Variants in GORASP2 observed in about 807,000 individuals in gnomAD.
GORASP2 encodes golgi reassembly stacking protein 2, also known as Golgi reassembly-stacking protein 2.
GORASP2 carries 22 observed loss-of-function variants against 45.7 expected under a neutral mutation model. The observed-to-expected ratio is 0.48, with a 90% CI of 0.34 to 0.69. GORASP2 has a LOEUF of 0.69. Ranked by LOEUF, GORASP2 falls within the 30% of genes least tolerant of loss-of-function variation. GORASP2 has a pLI of 0.01. For synonymous variants in GORASP2, 221 were observed against 215.6 expected, an observed-to-expected ratio of 1.02 and a Z score of -0.22; for missense variants, 491 against 562.7, an observed-to-expected ratio of 0.87 and a Z score of 1.29.
chr2:170,954,938 G>A (rs1704389301), intron 6 of GORASP2, among the ~76,000 whole-genome samples, 156 bp downstream of exon 6: 1 of 152,214 alleles, frequency 6.6e-6, no homozygotes, highest in Non-Finnish European at 1.5e-5. Flanking sequence ...AAAATACCTA[G>A]ATAGAGGTTA....
intron 7 of GORASP2, among the ~76,000 whole-genome samples, chr2:170,959,861 G>A (rs1704514021): frequency 8.3e-6 from 1 of 120,236 alleles, no homozygotes. Flanking sequence ...TTGCTCTGTC[G>A]CTCAGGCTGG....
At position 170,965,844 on chromosome 2, in the gene GORASP2, T is replaced by TC. The variant is rs1445769726; in HGVS notation, c.1078dup (p.Leu360ProfsTer67). ...CGAAACTTACCTGGCATTGCACCTC[T>TC]CCCCCTGCCATCCGAGTTCCTCCCG... On this transcript the variant is annotated frameshift_variant, in exon 10 of 10. Coordinates refer to ENST00000234160, the MANE Select transcript of GORASP2 (RefSeq NM_015530.5). LOFTEE classifies it high-confidence loss of function. The TC allele has an allele frequency of 6.2e-7, 1 of 1,613,858 alleles. No homozygotes were observed. Among genetic ancestry groups the TC allele is most frequent in the Admixed American group, 1.7e-5 (1 of 60,002 alleles).
rs562925182 is a variant in GORASP2, at chr2:170,962,032, G to A, written c.910+283G>A. 2.6e-5 allele frequency among the ~76,000 whole-genome samples: 4 copies of A among 152,272 alleles called. No homozygotes were observed. In the South Asian group the frequency reaches 6.2e-4, roughly 24 times the overall value. ...CCCTGCAGCTCTACAGTGCAGCATC[G>A]GCCAGGAATAAGGAATCTGCAGAAG... is the stretch of plus-strand genomic sequence containing the variant. On this transcript the variant is annotated intron_variant, in intron 8 of 9. Coordinates refer to ENST00000234160, the MANE Select transcript of GORASP2 (RefSeq NM_015530.5).
At chr2:170,945,112 C>T (rs1225493039) in intron 1 of GORASP2, among the ~76,000 whole-genome samples, 2 of 152,128 alleles carry the variant, frequency 1.3e-5, no homozygotes, top group Non-Finnish European at 2.9e-5. Context: ...GAGTCCTAGA[C>T]ATTTTATTTG....
chr2:170,958,674 TAAAA>T lies in GORASP2; in HGVS notation c.823+2126_823+2129del, dbSNP rs71008732. 9.5e-3 allele frequency among the ~76,000 whole-genome samples: 943 copies of T among 99,188 alleles called. 14 individuals carry two copies. The highest frequency in any genetic ancestry group is 0.027 in the African/African-American group (668 of 25,146). The allele number at this position is 99,188 out of a possible 152,430, so 65.1% of individuals were successfully genotyped here. ...TGCTCTTTTTTTTTTTTTTTTTTTT[TAAAA>T]AAAAAAAAAACAGACTCTGTTGCCC... On this transcript the variant is annotated intron_variant, in intron 7 of 9. Coordinates refer to ENST00000234160, the MANE Select transcript of GORASP2 (RefSeq NM_015530.5).
At chr2:170,958,794 T>G (rs1704487025) in intron 7 of GORASP2, among the ~76,000 whole-genome samples, 1 of 151,742 alleles carries the variant, frequency 6.6e-6, no homozygotes, top group South Asian at 2.1e-4. Context: ...CCTAACCAAG[T>G]AGCTGTGATT....
rs535541233 is a variant in GORASP2, at chr2:170,950,134, A to C, written c.349-70A>C. 5 of 740,784 alleles carry C rather than the reference A, an allele frequency of 6.7e-6. No individual in the cohort carries two copies. In the Admixed American group the frequency reaches 1.5e-4, roughly 22 times the overall value. 45.9% of individuals were successfully genotyped at this position (740,784 alleles called of 1,614,324 possible). On this transcript the variant is annotated intron_variant, in intron 3 of 9. Coordinates refer to ENST00000234160, the MANE Select transcript of GORASP2 (RefSeq NM_015530.5). Reference sequence around the variant, plus strand: ...ATTTAAAAAATCAACATAATTAAAAATTGGACTATAAACCTTGGAAGATTA... The same window carrying C: ...ATTTAAAAAATCAACATAATTAAAACTTGGACTATAAACCTTGGAAGATTA...
At position 170,965,938 on chromosome 2, in the gene GORASP2, C is replaced by T; in HGVS notation, c.1167C>T (p.Pro389=). ...SSGELLSSLP[P]TSNAPSDPAT... The stretch of plus-strand genomic sequence containing the variant: ...GAGAGCTGCTGTCTTCCCTCCCGCC[C>T]ACCAGCAACGCACCCTCCGACCCTG... The change falls in exon 10 of 10, where the codon CCC becomes CCT. Residue 389 remains proline, a synonymous_variant. Coordinates refer to ENST00000234160, the MANE Select transcript of GORASP2 (RefSeq NM_015530.5). The T allele has an allele frequency of 1.2e-6, 2 of 1,613,932 alleles. No individual in the cohort carries two copies. The highest frequency in any genetic ancestry group is 1.6e-4 in the Middle Eastern group (1 of 6,062).
intron 1 of GORASP2, among the ~76,000 whole-genome samples, chr2:170,942,070 T>C (rs1704088866): frequency 6.6e-6 from 1 of 152,190 alleles, no homozygotes; most frequent in African/African-American, 2.4e-5. Flanking sequence ...TGCATTGTGG[T>C]TTTAATTTGC....
chr2:170,942,543 G>A (rs1704100508), intron 1 of GORASP2, among the ~76,000 whole-genome samples: 1 of 152,164 alleles, frequency 6.6e-6, no homozygotes, highest in Admixed American at 6.5e-5. Flanking sequence ...CCATGTCATA[G>A]CGTGCATTGG....
chr2:170,929,803 T>G, intron 1 of GORASP2: 1 of 473,462 alleles, frequency 2.1e-6, no homozygotes. Context: ...AAGGCAGCCT[T>G]TGCGCTTTCC....
intron 1 of GORASP2, among the ~76,000 whole-genome samples, chr2:170,946,408 T>C (rs1302872102): frequency 6.6e-6 from 1 of 152,200 alleles, no homozygotes; most frequent in Non-Finnish European, 1.5e-5. Context: ...TTATTTTTTG[T>C]CATATTTCTG....
chr2:170,934,314 T>G (rs2105310104), intron 1 of GORASP2, among the ~76,000 whole-genome samples: 1 of 152,092 alleles, frequency 6.6e-6, no homozygotes, highest in South Asian at 2.1e-4. Flanking sequence ...TCGCTTTTGT[T>G]GCCCAGGCTG....
intron 8 of GORASP2, among the ~76,000 whole-genome samples, chr2:170,962,600 A>C (rs1704588959): frequency 1.3e-5 from 2 of 152,188 alleles, no homozygotes; most frequent in Admixed American, 6.5e-5. Context: ...AGTATTAGTT[A>C]TTTATTTTCA....
rs138927659 is a variant in GORASP2 at position 170,961,734 on chromosome 2, G to C, written c.895G>C (p.Ala299Pro). 9.2e-5 allele frequency: 144 copies of C among 1,569,832 alleles called. No individual in the cohort carries two copies. In the African/African-American group the frequency reaches 1.7e-3, roughly 19 times the overall value. ...CACTTCTGTGCCACCAATGAATCCAGCTACTACATTACCAGGTAACCACCA... is the reference window on the plus strand; with the variant it reads ...CACTTCTGTGCCACCAATGAATCCACCTACTACATTACCAGGTAACCACCA... ...SLTSVPPMNP[A>P]TTLPGLMPLP... Residue 299 changes from alanine to proline, a missense_variant, in exon 8 of 10, where the codon GCT (alanine) becomes CCT (proline). This residue lies in a region of GORASP2 where 297 missense variants were observed against 292.3 expected (regional missense o/e 1.02). Transcript: ENST00000234160.
chr2:170,929,694 C>T (rs1464384743), intron 1 of GORASP2: 15 of 626,976 alleles, frequency 2.4e-5, no homozygotes, highest in South Asian at 2.1e-4. Context: ...CAACCTTGCT[C>T]TTTTTCCGCA....
At position 170,947,281 on chromosome 2, in the gene GORASP2, A is replaced by G. The variant is rs147201645; in HGVS notation, c.64-1069A>G. ...TAGTTTTCAAAGTCTATAATTCTCT[A>G]TTTCTGTCCACACTACTCTGTTGTC... On this transcript the variant is annotated intron_variant, in intron 1 of 9. Transcript: ENST00000234160. Among the ~76,000 whole-genome samples, 985 of 152,244 alleles carry G rather than the reference A, an allele frequency of 6.5e-3. 8 individuals carry two copies. Among genetic ancestry groups the G allele is most frequent in the Non-Finnish European group, 9.3e-3 (631 of 68,020 alleles).
chr2:170,951,634 A>G (rs1332302648), intron 5 of GORASP2, 176 bp downstream of exon 5: 2 of 516,792 alleles, frequency 3.9e-6, no homozygotes, highest in Non-Finnish European at 6.8e-6. Flanking sequence ...GTACATATCT[A>G]GGGAACATAG....
At chr2:170,932,002 G>T (rs1478559119) in intron 1 of GORASP2, among the ~76,000 whole-genome samples, 3 of 152,186 alleles carry the variant, frequency 2.0e-5, no homozygotes, top group Non-Finnish European at 4.4e-5. Context: ...GAGGTGGGCG[G>T]ATCACCTGAG....
Sources: gnomAD v4.1 joint callset for allele counts (sites outside exome capture counted in the v4.1 genomes callset) on GRCh38, gnomAD v4.1.1 for gene constraint, gnomAD v4.1.1 regional missense constraint, MANE v1.5 for transcripts, NCBI Gene and HGNC (gene_info 2026-07-23, HGNC 2026-07-21) for gene names.